CAND2: variants seen among roughly 807,000 people sequenced by gnomAD.
CAND2 encodes the protein cullin-associated NEDD8-dissociated protein 2.
CAND2 carries 62 observed loss-of-function variants against 98.9 expected under a neutral mutation model. The ratio of observed to expected loss-of-function variants is 0.63; its 90% CI spans 0.51 to 0.77. The LOEUF (loss-of-function observed/expected upper bound fraction) is 0.77. Ranked by LOEUF, CAND2 falls within the 30% of genes least tolerant of loss-of-function variation. The probability of loss-of-function intolerance (pLI) is 0.00; values close to 1 mark genes in which losing one functional copy is unlikely to be tolerated. For synonymous variants in CAND2, 770 were observed against 731.9 expected (o/e 1.05, Z -0.84); for missense variants, 1,501 against 1,655.2 (o/e 0.91, Z 1.62).
At chr3:12,823,905 C>CA (rs2124866726) in intron 11 of CAND2, among the ~76,000 whole-genome samples, 1 of 152,254 alleles carries the variant, frequency 6.6e-6, no homozygotes, top group African/African-American at 2.4e-5. Context: ...TTGACTCAAA[C>CA]AAAAAAATGA....
intron 11 of CAND2, among the ~76,000 whole-genome samples, chr3:12,822,433 C>A (rs570009634): frequency 6.6e-6 from 1 of 151,870 alleles, no homozygotes; most frequent in South Asian, 2.1e-4. Context: ...GCTGGGATTA[C>A]AGATGTGCGC....
intron 10 of CAND2, 43 bp from the exon 11 acceptor site, chr3:12,820,043 T>C (rs1474254169): frequency 9.9e-6 from 15 of 1,516,376 alleles, no homozygotes; most frequent in African/African-American, 1.4e-5. Flanking sequence ...GCCTCCAGGA[T>C]TGGCCCCTGC....
intron 13 of CAND2, among the ~76,000 whole-genome samples, chr3:12,829,557 CA>C (rs2124874296): frequency 6.6e-6 from 1 of 152,284 alleles, no homozygotes; most frequent in East Asian, 1.9e-4. Flanking sequence ...AAGATTTACA[CA>C]AGATGAAAGC....
intron 2 of CAND2, among the ~76,000 whole-genome samples, chr3:12,805,976 A>G (rs2061803222): frequency 1.3e-5 from 2 of 152,204 alleles, no homozygotes; most frequent in African/African-American, 4.8e-5. Flanking sequence ...CCAGTGCTAT[A>G]GGAGGTAGGA....
intron 1 of CAND2, among the ~76,000 whole-genome samples, chr3:12,797,798 C>T (rs958689785): frequency 1.3e-4 from 20 of 152,148 alleles, no homozygotes; most frequent in African/African-American, 4.6e-4. Context: ...GAGACTTAGT[C>T]CAAATCCAGG....
At position 12,815,350 on chromosome 3, in the gene CAND2, C is replaced by G; in HGVS notation, c.1216C>G (p.Gln406Glu). Residue 406 changes from glutamine (Q) to glutamate (E), a missense_variant, in exon 8 of 15, where the codon CAA (glutamine) becomes GAA (glutamate). Coordinates refer to ENST00000456430, the MANE Select transcript of CAND2 (RefSeq NM_001162499.2). The surrounding 1 kb of genome is among the most constrained non-coding windows in gnomAD (Gnocchi z 5.7). ...CACTGCTTACATCGTGCTGCTGCGG[C>G]AAACACAGCCCCCGAAGGGATGGCT... ...VFTAYIVLLR[Q>E]TQPPKGWLEA... 6.2e-7 allele frequency: 1 copy of G among 1,614,006 alleles called. No individual in the cohort carries two copies. Among genetic ancestry groups the G allele is most frequent in the Non-Finnish European group, 8.5e-7 (1 of 1,180,050 alleles).
rs765529156 is a variant in CAND2 at position 12,815,238 on chromosome 3, C to G, written c.1104C>G (p.Asp368Glu). The G allele has an allele frequency of 6.2e-7, 1 of 1,613,884 alleles. No individual in the cohort carries two copies. The highest frequency in any genetic ancestry group is 8.5e-7 in the Non-Finnish European group (1 of 1,180,044). ...CIAALISSRP[D>E]LLPDFHCTLA... ...CAGCCTTGATCAGCTCGCGGCCTGA[C>G]CTGCTGCCCGATTTCCACTGCACCC... Residue 368 changes from aspartate (D) to glutamate (E), a missense_variant, in exon 8 of 15, where the codon GAC (aspartate) becomes GAG (glutamate). Coordinates refer to ENST00000456430, the MANE Select transcript of CAND2 (RefSeq NM_001162499.2). The surrounding 1 kb of genome is among the most constrained non-coding windows in gnomAD (Gnocchi z 5.7).
Position 12,815,001 on chromosome 3 carries a change from C to A in CAND2, c.1007-140C>A. The A allele has an allele frequency of 2.6e-6, 2 of 776,316 alleles. No homozygotes were observed. The highest frequency in any genetic ancestry group is 5.6e-5 in the Admixed American group (2 of 35,964). The allele number at this position is 776,316 out of a possible 1,614,324, so 48.1% of individuals were successfully genotyped here. A position where few individuals can be genotyped will look rare whatever the true frequency, so the allele number is the denominator to read the frequency against. On this transcript the variant is annotated intron_variant, in intron 7 of 14. Transcript: ENST00000456430. This position sits in a 1 kb window ranked among gnomAD's most constrained non-coding sequence, Gnocchi z 5.7. ...GCCCATTAAAAGGTAGGGAATGTTC[C>A]CCATAGGGTATCTATAAATGCTGAT...
In CAND2 at chr3:12,817,871, C is replaced by T; in HGVS notation, c.2939C>T (p.Ala980Val). The change falls in exon 10 of 15, where the codon GCT becomes GTT. Residue 980 changes from alanine (A) to valine (V), a missense_variant. By Grantham distance (64) the Ala-to-Val change is moderately conservative. Transcript: ENST00000456430. ...FLLPRLRKQLAAGRPHTRSTV... is the reference protein window; with the variant it reads ...FLLPRLRKQLVAGRPHTRSTV... ...CTGCCCCGCTTGCGGAAGCAGCTTG[C>T]TGCAGGTAGGCACACAGGTGTGGGC... 6.6e-7 allele frequency: 1 copy of T among 1,505,950 alleles called. No individual in the cohort carries two copies. Among genetic ancestry groups the T allele is most frequent in the Middle Eastern group, 1.8e-4 (1 of 5,572 alleles). The allele number at this position is 1,505,950 out of a possible 1,614,324, so 93.3% of individuals were successfully genotyped here. A position where few individuals can be genotyped will look rare whatever the true frequency, so the allele number is the denominator to read the frequency against.
chr3:12,809,994 G>A, intron 4 of CAND2, 65 bp from the exon 5 acceptor site: 1 of 1,387,596 alleles, frequency 7.2e-7, no homozygotes, highest in Non-Finnish European at 9.3e-7. Context: ...ATGGGGAGAG[G>A]GGCGGAGCCT....
At chr3:12,799,050 C>T (rs1164146696) in intron 1 of CAND2, among the ~76,000 whole-genome samples, 1 of 152,178 alleles carries the variant, frequency 6.6e-6, no homozygotes, top group East Asian at 1.9e-4. Flanking sequence ...AAAACGAGTA[C>T]CCTTGCAGGT....
At chr3:12,816,032 T>C in intron 9 of CAND2, 24 bp downstream of exon 9, 1 of 1,608,028 alleles carries the variant, frequency 6.2e-7, no homozygotes, top group Non-Finnish European at 8.5e-7. Flanking sequence ...CAACCAGGTA[T>C]CTGCTGTTCT....
Position 12,827,362 on chromosome 3 carries a change from T to G in CAND2, c.3211-78T>G, listed in dbSNP as rs1262770520. ...GCTGGCATGGATTGTGGAATAGAGATGTGGGGTTTGTAGCAGAAGCTAGAA... is the reference window on the plus strand; with the variant it reads ...GCTGGCATGGATTGTGGAATAGAGAGGTGGGGTTTGTAGCAGAAGCTAGAA... On this transcript the variant is annotated intron_variant, in intron 12 of 14. Coordinates refer to ENST00000456430, the MANE Select transcript of CAND2 (RefSeq NM_001162499.2). The G allele has an allele frequency of 2.9e-6, 4 of 1,363,348 alleles. No individual in the cohort carries two copies. The Admixed American group carries it at 7.7e-5, about 26-fold the overall frequency. 84.5% of individuals were successfully genotyped at this position (1,363,348 alleles called of 1,614,324 possible).
Position 12,810,065 on chromosome 3 carries a change from T to C in CAND2, c.498T>C (p.Gly166=), listed in dbSNP as rs754099336. 8 of 1,422,858 alleles carry C rather than the reference T, an allele frequency of 5.6e-6. No individual in the cohort carries two copies. In the African/African-American group the frequency reaches 7.4e-5, roughly 13 times the overall value. The allele number at this position is 1,422,858 out of a possible 1,614,324, so 88.1% of individuals were successfully genotyped here. A position where few individuals can be genotyped will look rare whatever the true frequency, so the allele number is the denominator to read the frequency against. ...GCCCCCTCGTGCTCCCCAGGCTGGGTGTCCCGCTGGGCGCCTTCCACGCCA... is the reference window on the plus strand; with the variant it reads ...GCCCCCTCGTGCTCCCCAGGCTGGGCGTCCCGCTGGGCGCCTTCCACGCCA... ...DILSDMLSRL[G]VPLGAFHASL... is the part of the protein sequence containing the mutation. The change falls in exon 5 of 15, where the codon GGT becomes GGC. Residue 166 remains glycine (G), a synonymous_variant. Coordinates refer to ENST00000456430, the MANE Select transcript of CAND2 (RefSeq NM_001162499.2).
intron 11 of CAND2, among the ~76,000 whole-genome samples, chr3:12,824,265 A>G (rs974559039): frequency 1.6e-4 from 24 of 152,242 alleles, no homozygotes; most frequent in Admixed American, 3.3e-4. Flanking sequence ...TTTAAACTCT[A>G]TATCATAGTC....
chr3:12,829,777 A>G (rs2062038325), intron 13 of CAND2, among the ~76,000 whole-genome samples: 1 of 152,200 alleles, frequency 6.6e-6, no homozygotes, highest in African/African-American at 2.4e-5. Context: ...TGTTTTCTAG[A>G]AATGGGATCA....
Position 12,834,248 on chromosome 3 carries a change from T to G in CAND2, c.*266T>G. ...GAAATAGGGTGAGGAAGTTTTCCAG[T>G]GACTTCACACTGTACCCCTCCATAG... is the stretch of plus-strand genomic sequence containing the variant. On this transcript the variant is annotated 3_prime_UTR_variant, in exon 15 of 15. Transcript: ENST00000456430. 1 of 498,100 alleles carries G rather than the reference T, an allele frequency of 2.0e-6. No homozygotes were observed. The highest frequency in any genetic ancestry group is 2.3e-5 in the South Asian group (1 of 43,464). 30.9% of individuals were successfully genotyped at this position (498,100 alleles called of 1,614,324 possible).
intron 1 of CAND2, among the ~76,000 whole-genome samples, chr3:12,803,163 G>C (rs1559547458): frequency 6.6e-6 from 1 of 151,932 alleles, no homozygotes. Flanking sequence ...CTAATTTTTT[G>C]TATTTTGTTT....
rs531467982 is a variant in CAND2 at position 12,804,107 on chromosome 3, C to T, written c.212+476C>T. On this transcript the variant is annotated intron_variant, in intron 2 of 14. Coordinates refer to ENST00000456430, the MANE Select transcript of CAND2 (RefSeq NM_001162499.2). ...GCCTGCCACCTCCAGCCAGAGAAAG[C>T]CCTCAGACAGATGTAAATGCTGGGA... 1.8e-4 allele frequency among the ~76,000 whole-genome samples: 28 copies of T among 152,176 alleles called. No individual in the cohort carries two copies. The East Asian group carries it at 3.1e-3, about 17-fold the overall frequency.
Sources: allele counts gnomAD v4.1 joint callset (sites outside exome capture counted in the v4.1 genomes callset), GRCh38; gene constraint gnomAD v4.1.1; non-coding constraint Gnocchi (gnomAD v3.1); transcripts MANE v1.5; gene names NCBI Gene and HGNC (gene_info 2026-07-23, HGNC 2026-07-21).